SBF2: variants seen among roughly 807,000 people sequenced by gnomAD.
The protein encoded by SBF2 is myotubularin-related protein 13.
Under a neutral mutation model 225.2 loss-of-function variants are expected in SBF2, and 112 were observed. That is an observed-to-expected ratio of 0.50 (90% CI 0.43 to 0.58). The LOEUF is 0.58. SBF2 is among the 20% of genes least tolerant of loss of function. SBF2 has a pLI of 0.00. For synonymous variants in SBF2, 763 were observed against 773.3 expected, an observed-to-expected ratio of 0.99 and a Z score of 0.22; for missense variants, 1,996 against 2,206.2, an observed-to-expected ratio of 0.90 and a Z score of 1.91.
chr11:10,232,933 A>AT (rs561837232), intron 1 of SBF2, among the ~76,000 whole-genome samples: 214 of 152,316 alleles, frequency 1.4e-3, no homozygotes, highest in African/African-American at 5.0e-3. Flanking sequence ...ATAGGGAGTG[A>AT]TAAATTTGTG....
At chr11:9,900,456 C>T (rs1861633058) in intron 16 of SBF2, among the ~76,000 whole-genome samples, 1 of 152,158 alleles carries the variant, frequency 6.6e-6, no homozygotes, top group Non-Finnish European at 1.5e-5. Flanking sequence ...CCAAACCACT[C>T]ACCCTGTCAC....
intron 14 of SBF2, among the ~76,000 whole-genome samples, chr11:9,967,537 A>G (rs1867002469): frequency 6.6e-6 from 1 of 152,212 alleles, no homozygotes; most frequent in South Asian, 2.1e-4. Context: ...CAGAAAGTAG[A>G]TTACTGTATA....
upstream of SBF2, among the ~76,000 whole-genome samples, chr11:10,295,761 G>C (rs531234930): frequency 6.6e-6 from 1 of 151,952 alleles, no homozygotes; most frequent in African/African-American, 2.4e-5. Context: ...TATTATTTCA[G>C]AGTTGTCTTA....
intron 17 of SBF2, among the ~76,000 whole-genome samples, chr11:9,861,607 T>C (rs1003305932): frequency 6.9e-6 from 1 of 145,450 alleles, no homozygotes; most frequent in Non-Finnish European, 1.5e-5. Flanking sequence ...GAGGTTGCAG[T>C]GAGCTGAGAT....
At chr11:9,804,972 T>C (rs1016734068) in intron 32 of SBF2, among the ~76,000 whole-genome samples, 7 of 152,144 alleles carry the variant, frequency 4.6e-5, no homozygotes, top group African/African-American at 1.2e-4. Context: ...TAGCTGGGCA[T>C]GGTGGCTCAC....
At chr11:10,171,478 G>C (rs544879653) in intron 2 of SBF2, among the ~76,000 whole-genome samples, 1 of 152,106 alleles carries the variant, frequency 6.6e-6, no homozygotes, top group East Asian at 1.9e-4. Context: ...TGTATCCCTG[G>C]GATAAATCCT....
intron 1 of SBF2, among the ~76,000 whole-genome samples, chr11:10,211,703 G>T (rs1341316496): frequency 6.6e-6 from 1 of 152,148 alleles, no homozygotes; most frequent in Non-Finnish European, 1.5e-5. Context: ...CTAAATGATG[G>T]CACAGAGCCA....
intron 29 of SBF2, among the ~76,000 whole-genome samples, chr11:9,813,525 A>G (rs1464112227): frequency 6.6e-6 from 1 of 151,996 alleles, no homozygotes; most frequent in Admixed American, 6.6e-5. Context: ...ATGGGCTTTC[A>G]CCATGTTGCC....
chr11:9,995,305 T>C (rs1190118873), intron 9 of SBF2, among the ~76,000 whole-genome samples: 1 of 152,202 alleles, frequency 6.6e-6, no homozygotes, highest in Non-Finnish European at 1.5e-5. Context: ...TGAAATTATA[T>C]CAGTATGTAG....
rs934660712 is a variant in SBF2, at chr11:9,937,122, A to G, written c.1860+24835T>C. On this transcript the variant is annotated intron_variant, in intron 16 of 39. Transcript: ENST00000256190. ...CAAAATGAGAAAAAGAAGGAAGATT[A>G]AAGAAAATTGCCCAGAATTTAAGGA... 3.9e-5 allele frequency among the ~76,000 whole-genome samples: 6 copies of G among 152,330 alleles called. No individual in the cohort carries two copies. In the East Asian group the frequency reaches 7.7e-4, roughly 20 times the overall value.
intron 1 of SBF2, among the ~76,000 whole-genome samples, chr11:10,257,942 G>A (rs1961015291): frequency 6.6e-6 from 1 of 152,040 alleles, no homozygotes; most frequent in African/African-American, 2.4e-5. Flanking sequence ...GGGTGATAGA[G>A]CAAGACTGTC....
At chr11:9,866,010 G>C (rs1233250738) in intron 17 of SBF2, among the ~76,000 whole-genome samples, 1 of 152,022 alleles carries the variant, frequency 6.6e-6, no homozygotes, top group African/African-American at 2.4e-5. Context: ...TTAATTATTG[G>C]TTTCAGTACC....
intron 13 of SBF2, among the ~76,000 whole-genome samples, chr11:9,978,093 T>C (rs1946781609): frequency 6.6e-6 from 1 of 152,172 alleles, no homozygotes; most frequent in Non-Finnish European, 1.5e-5. Context: ...ATTTTAGAAA[T>C]GTGATTAAAA....
intron 38 of SBF2, among the ~76,000 whole-genome samples, chr11:9,783,733 C>G (rs1302239379): frequency 1.1e-4 from 17 of 152,196 alleles, no homozygotes; most frequent in Non-Finnish European, 1.5e-5. Flanking sequence ...CTAGTACTTG[C>G]CCACGGTGAA....
At chr11:9,925,843 T>G (rs968398074) in intron 16 of SBF2, among the ~76,000 whole-genome samples, 3 of 152,192 alleles carry the variant, frequency 2.0e-5, no homozygotes, top group African/African-American at 7.2e-5. Flanking sequence ...CTGCTATTTT[T>G]AGAATACTGT....
intron 2 of SBF2, among the ~76,000 whole-genome samples, chr11:10,093,187 T>C (rs929309572): frequency 6.6e-6 from 1 of 151,958 alleles, no homozygotes; most frequent in African/African-American, 2.4e-5. Flanking sequence ...TAGCTAATTT[T>C]TGTATTTTCA....
intron 34 of SBF2, among the ~76,000 whole-genome samples, 191 bp from the exon 35 acceptor site, chr11:9,789,533 C>T (rs983053546): frequency 1.3e-5 from 2 of 152,126 alleles, no homozygotes; most frequent in African/African-American, 4.8e-5. Flanking sequence ...CCAATCCTCC[C>T]TCCTACATTG....
intron 32 of SBF2, among the ~76,000 whole-genome samples, chr11:9,800,817 A>C (rs1853449850): frequency 6.6e-6 from 1 of 152,164 alleles, no homozygotes; most frequent in Non-Finnish European, 1.5e-5. Context: ...AAATGCTGGG[A>C]TTATAGGCTT....
chr11:9,845,707 G>A lies in SBF2; in HGVS notation c.2968C>T (p.Pro990Ser). 1 of 1,613,860 alleles carries A rather than the reference G, an allele frequency of 6.2e-7. No individual in the cohort carries two copies. Among genetic ancestry groups the A allele is most frequent in the Middle Eastern group, 1.7e-4 (1 of 6,060 alleles). The change falls in exon 24 of 40, where the codon CCA (proline) becomes TCA (serine). Residue 990 changes from proline (P) to serine (S), a missense_variant. By Grantham distance (74) the Pro-to-Ser change is moderately conservative (BLOSUM62 -1). Coordinates refer to ENST00000256190, the MANE Select transcript of SBF2 (RefSeq NM_030962.4). Reference protein sequence around the residue: ...IKVAFDEEVSPEVVEIFKKQL... With the variant: ...IKVAFDEEVSSEVVEIFKKQL... ...TTCTTAAAGATCTCTACTACTTCTGGACTGACTTCTTCATCAAATGCTACC... is the reference window on the plus strand; with the variant it reads ...TTCTTAAAGATCTCTACTACTTCTGAACTGACTTCTTCATCAAATGCTACC...
Sources: allele counts gnomAD v4.1 joint callset (sites outside exome capture counted in the v4.1 genomes callset), GRCh38; gene constraint gnomAD v4.1.1; transcripts MANE v1.5; gene names NCBI Gene and HGNC (gene_info 2026-07-23, HGNC 2026-07-21).